The following HS6ST2 variants were observed in gnomAD, a reference collection of about 807,000 sequenced individuals.
The protein encoded by HS6ST2 is heparan-sulfate 6-O-sulfotransferase 2.
In HS6ST2, 17 loss-of-function variants were observed where a neutral mutation model predicts 33.0. The observed-to-expected ratio is 0.52, with a 90% CI of 0.35 to 0.77. HS6ST2 has a LOEUF of 0.77. Ranked by LOEUF, HS6ST2 falls within the 30% of genes least tolerant of loss-of-function variation. The probability of loss-of-function intolerance (pLI) is 0.01; values close to 1 mark genes in which losing one functional copy is unlikely to be tolerated. For missense variants in HS6ST2, 519 were observed against 551.7 expected (o/e 0.94, Z 0.59); for synonymous variants, 248 against 237.1 (o/e 1.05, Z -0.42).
chrX:132,783,580 G>A (rs1433899767), intron 2 of HS6ST2, among the ~76,000 whole-genome samples: 4 of 111,005 alleles, frequency 3.6e-5, no homozygotes, highest in African/African-American at 9.8e-5. Flanking sequence ...CCCTGGCAGG[G>A]CAAATTTCCT....
chrX:132,674,314 C>T (rs1240415615), intron 3 of HS6ST2, among the ~76,000 whole-genome samples: 2 of 111,946 alleles, frequency 1.8e-5, no homozygotes, highest in Non-Finnish European at 3.8e-5. Flanking sequence ...AGGTTCTAAT[C>T]CTGGCTGCCA....
At position 132,642,444 on chromosome X, in the gene HS6ST2, T is replaced by TG. The variant is rs763249399; in HGVS notation, c.1068-13352dup. Among the ~76,000 whole-genome samples the TG allele has an allele frequency of 1.6e-4, 18 of 110,839 alleles. No individual in the cohort carries two copies. The South Asian group carries it at 4.3e-3, about 26-fold the overall frequency. ...ATGAAGTGCAAACCCTGGCTTTTTC[T>TG]GGGGGGGTGTGGGGGAACAGAACTT... is the stretch of plus-strand genomic sequence containing the variant. On this transcript the variant is annotated intron_variant, in intron 4 of 4. Transcript: ENST00000370833.
chrX:132,914,704 AATTCAGAAG>A (rs1256543828), intron 2 of HS6ST2, among the ~76,000 whole-genome samples: 1 of 111,821 alleles, frequency 8.9e-6, no homozygotes, highest in Admixed American at 9.5e-5. Context: ...ACAAGGCCAG[AATTCAGAAG>A]ATTCAATATC....
At position 132,953,957 on chromosome X, in the gene HS6ST2, G is replaced by A. The variant is rs1385594940; in HGVS notation, c.947+2851C>T. Reference sequence around the variant, plus strand: ...ATCAAGGTGCAGTCAACAGAGCAAGGGTTGTGGAGTCAGACAGAAGTGCAG... The same window carrying A: ...ATCAAGGTGCAGTCAACAGAGCAAGAGTTGTGGAGTCAGACAGAAGTGCAG... On this transcript the variant is annotated intron_variant, in intron 2 of 4. Transcript: ENST00000370833. Among the ~76,000 whole-genome samples the A allele has an allele frequency of 2.7e-5, 3 of 112,149 alleles. No individual in the cohort carries two copies. In the Admixed American group the frequency reaches 2.8e-4, roughly 11 times the overall value.
intron 2 of HS6ST2, among the ~76,000 whole-genome samples, chrX:132,752,312 A>G (rs1395784875): frequency 9.1e-6 from 1 of 109,851 alleles, no homozygotes; most frequent in African/African-American, 3.3e-5. Flanking sequence ...TCTCTACTAA[A>G]AACACAAAAT....
chrX:132,728,033 C>A (rs182394620), intron 2 of HS6ST2, among the ~76,000 whole-genome samples: 4 of 112,049 alleles, frequency 3.6e-5, no homozygotes, highest in Non-Finnish European at 7.5e-5. Context: ...TTTTGTTTAT[C>A]CATTCATCCA....
chrX:132,865,945 T>A (rs1488092151), intron 2 of HS6ST2, among the ~76,000 whole-genome samples: 6 of 111,906 alleles, frequency 5.4e-5, no homozygotes, highest in Non-Finnish European at 1.1e-4. Flanking sequence ...TTCACTCTGA[T>A]GGTAATTTCT....
At chrX:132,716,141 TCTC>T (rs1433093710) in intron 2 of HS6ST2, among the ~76,000 whole-genome samples, 1 of 111,642 alleles carries the variant, frequency 9.0e-6, no homozygotes, top group African/African-American at 3.3e-5. Flanking sequence ...CCCCTCCTCA[TCTC>T]CTCTCTCACA....
At chrX:132,863,795 C>T (rs2065938035) in intron 2 of HS6ST2, among the ~76,000 whole-genome samples, 1 of 111,928 alleles carries the variant, frequency 8.9e-6, no homozygotes, top group Admixed American at 9.5e-5. Context: ...ATCGTATCCA[C>T]TGCAAACAAG....
chrX:132,664,114 G>A (rs947601760), intron 4 of HS6ST2, among the ~76,000 whole-genome samples: 7 of 111,915 alleles, frequency 6.3e-5, no homozygotes, highest in Non-Finnish European at 9.4e-5. Context: ...GGGTTCAAAT[G>A]ATTCACCTGC....
At chrX:132,829,304 A>G (rs2065563993) in intron 2 of HS6ST2, among the ~76,000 whole-genome samples, 1 of 105,688 alleles carries the variant, frequency 9.5e-6, no homozygotes, top group Non-Finnish European at 1.9e-5. Context: ...TATAAATCAT[A>G]TATAATATTA....
At position 132,752,182 on chromosome X, in the gene HS6ST2, T is replaced by C. The variant is rs373332691; in HGVS notation, c.948-43688A>G. ...CCATGTGGTGGAACTGTTAAAGAAC[T>C]GACACCAGGCCTGGCATGGTGGCTC... On this transcript the variant is annotated intron_variant, in intron 2 of 4. Transcript: ENST00000370833. 3.7e-4 allele frequency among the ~76,000 whole-genome samples: 41 copies of C among 110,159 alleles called. No individual in the cohort carries two copies. In the South Asian group the frequency reaches 0.016, roughly 42 times the overall value.
chrX:132,851,085 C>T (rs1367528192), intron 2 of HS6ST2, among the ~76,000 whole-genome samples: 2 of 111,749 alleles, frequency 1.8e-5, no homozygotes, highest in African/African-American at 3.3e-5. Flanking sequence ...TAATATTAAC[C>T]TTATCCAACC....
chrX:132,630,302 A>G (rs138225815), intron 4 of HS6ST2, among the ~76,000 whole-genome samples: 1,759 of 112,314 alleles, frequency 0.016, 17 homozygotes, highest in Middle Eastern at 0.037. Flanking sequence ...ATTCATTCCC[A>G]TCTGAGGGAG....
At chrX:132,724,366 G>A (rs746691126) in intron 2 of HS6ST2, among the ~76,000 whole-genome samples, 23 of 111,108 alleles carry the variant, frequency 2.1e-4, no homozygotes, top group Admixed American at 1.6e-3. Flanking sequence ...TGCCAACAGC[G>A]AACAATCTAA....
intron 2 of HS6ST2, among the ~76,000 whole-genome samples, chrX:132,896,673 A>C (rs1225781107): frequency 9.0e-6 from 1 of 111,662 alleles, no homozygotes; most frequent in Non-Finnish European, 1.9e-5. Flanking sequence ...CCTGTATTAA[A>C]ATATCTCACA....
rs754591497 is a variant in HS6ST2 at position 132,643,610 on chromosome X, T to C, written c.1068-14517A>G. Among the ~76,000 whole-genome samples the C allele has an allele frequency of 4.5e-5, 5 of 111,628 alleles. No homozygotes were observed. In the South Asian group the frequency reaches 1.9e-3, roughly 43 times the overall value. On this transcript the variant is annotated intron_variant, in intron 4 of 4. Transcript: ENST00000370833. ...AGGATAGGGACTCATCCAGGGTCAT[T>C]TGGCCAGTTTATGGCACAGAAGGGA...
At chrX:132,958,634 A>G, upstream of HS6ST2, 1 of 1,104,628 alleles carries the variant, frequency 9.1e-7, no homozygotes, top group African/African-American at 1.8e-5. Flanking sequence ...GGTACTAAGG[A>G]TCACGAGCGA....
chrX:132,634,532 AG>A (rs1011699615), intron 4 of HS6ST2, among the ~76,000 whole-genome samples: 1 of 112,145 alleles, frequency 8.9e-6, no homozygotes, highest in African/African-American at 3.2e-5. Flanking sequence ...GTGACTTTAC[AG>A]GCACTACACA....
Sources: allele counts gnomAD v4.1 joint callset (sites outside exome capture counted in the v4.1 genomes callset), GRCh38; gene constraint gnomAD v4.1.1; transcripts MANE v1.5; gene names NCBI Gene and HGNC (gene_info 2026-07-23, HGNC 2026-07-21).